Variants in CTC1 observed in about 807,000 individuals in gnomAD.
CTC1 encodes the protein CST telomere replication complex component 1.
A neutral mutation model predicts 136.3 loss-of-function variants in CTC1; 91 were observed. The ratio of observed to expected loss-of-function variants is 0.67; its 90% CI spans 0.56 to 0.79. The LOEUF is 0.79. CTC1 is among the 30% of genes least tolerant of loss of function. CTC1 has a pLI of 0.00. For synonymous variants in CTC1, 606 were observed against 613.8 expected (o/e 0.99, Z 0.19); for missense variants, 1,432 against 1,498.1 (o/e 0.96, Z 0.73).
At chr17:8,236,839 A>G (rs1885405060) in intron 5 of CTC1, among the ~76,000 whole-genome samples, 1 of 152,206 alleles carries the variant, frequency 6.6e-6, no homozygotes, top group South Asian at 2.1e-4. Context: ...TGGTTAGAAT[A>G]AAGATCAATG....
At chr17:8,242,894 T>C in intron 2 of CTC1, 91 bp downstream of exon 2, 1 of 1,213,888 alleles carries the variant, frequency 8.2e-7, no homozygotes, top group East Asian at 2.6e-5. Flanking sequence ...ACTCTCTCAC[T>C]TGCCCTTTTT....
At chr17:8,237,087 G>C (rs1370313757) in intron 5 of CTC1, among the ~76,000 whole-genome samples, 2 of 148,312 alleles carry the variant, frequency 1.3e-5, no homozygotes, top group Non-Finnish European at 3.0e-5. Context: ...ATGGTGTTAA[G>C]ATGAATGATT....
In CTC1 at chr17:8,228,740, C is replaced by A. The variant is rs1986945070; in HGVS notation, c.3374G>T (p.Gly1125Val). 3 of 1,614,080 alleles carry A rather than the reference C, an allele frequency of 1.9e-6. No homozygotes were observed. The highest frequency in any genetic ancestry group is 2.5e-6 in the Non-Finnish European group (3 of 1,179,972). Residue 1125 changes from glycine to valine, a missense_variant, in exon 21 of 23, where the codon GGA becomes GTA. Transcript: ENST00000651323. ...GCCACATTACACCTCAAGTTGGGCT[C>A]CAGGCCCTGCAAACTGCAAGACCAC... The part of the protein sequence containing the change: ...GRVVLQFAGP[G>V]AQLESSARVD...
chr17:8,233,622 A>G (rs1987433893), intron 10 of CTC1, among the ~76,000 whole-genome samples: 1 of 152,156 alleles, frequency 6.6e-6, no homozygotes, highest in South Asian at 2.1e-4. Context: ...CACAAAAATT[A>G]GCTGGATGTG....
rs1372010764 is a variant in CTC1 at position 8,232,965 on chromosome 17, G to T, written c.1886C>A (p.Ser629Tyr). 2 of 1,614,054 alleles carry T rather than the reference G, an allele frequency of 1.2e-6. No individual in the cohort carries two copies. The highest frequency in any genetic ancestry group is 1.7e-6 in the Non-Finnish European group (2 of 1,180,038). ...GCLQLRDQSG[S>Y]LPCLLLAKHS... The stretch of plus-strand genomic sequence containing the variant: ...CTTGGCCAGGAGCAGGCAGGGCAGG[G>T]AACCACTTTGGTCCCGAAGTTGCAG... Residue 629 changes from serine to tyrosine, a missense_variant, in exon 11 of 23, where the codon TCC (serine) becomes TAC (tyrosine). Transcript: ENST00000651323.
chr17:8,236,998 T>C (rs1987781802), intron 5 of CTC1, among the ~76,000 whole-genome samples: 1 of 151,414 alleles, frequency 6.6e-6, no homozygotes, highest in Non-Finnish European at 1.5e-5. Flanking sequence ...AAAATAAAAT[T>C]GTACCAGTTG....
At chr17:8,246,625 G>A (rs535948682) in intron 1 of CTC1, among the ~76,000 whole-genome samples, 10 of 152,168 alleles carry the variant, frequency 6.6e-5, no homozygotes, top group Non-Finnish European at 5.9e-5. Flanking sequence ...AGTGGCTCAC[G>A]CCTGTAATCC....
chr17:8,244,557 GC>G (rs1272871111), intron 1 of CTC1, among the ~76,000 whole-genome samples: 1 of 149,090 alleles, frequency 6.7e-6, no homozygotes, highest in Non-Finnish European at 1.5e-5. Flanking sequence ...ACGGAGTCTT[GC>G]TTTGTCGCCC....
chr17:8,238,341 G>A (rs774427958), intron 3 of CTC1, 51 bp downstream of exon 3: 3 of 1,576,008 alleles, frequency 1.9e-6, no homozygotes, highest in Non-Finnish European at 2.6e-6. Flanking sequence ...TTGATCCTTG[G>A]ACACCATTCT....
chr17:8,232,529 T>C, intron 11 of CTC1, 54 bp from the exon 12 acceptor site: 1 of 1,485,682 alleles, frequency 6.7e-7, no homozygotes, highest in East Asian at 2.3e-5. Context: ...TGGGGTGGGT[T>C]GCAAGGCAAA....
chr17:8,232,794 T>C (rs1384274187), intron 11 of CTC1, 112 bp downstream of exon 11: 2 of 1,370,954 alleles, frequency 1.5e-6, no homozygotes, highest in African/African-American at 1.4e-5. Flanking sequence ...TTGATTGACA[T>C]GTGTCACTTC....
chr17:8,228,326 TG>T lies in CTC1; in HGVS notation c.3515-8del, dbSNP rs2151496968. ...CGCTGTAGCCGAGGAGGTTCTGAGG[TG>T]GGAAGAGAGGAAAAACACACGTCTC... On this transcript the variant is annotated splice_region_variant and splice_polypyrimidine_tract_variant and intron_variant, in intron 22 of 22. Transcript: ENST00000651323. 1.9e-6 allele frequency: 3 copies of T among 1,613,204 alleles called. No homozygotes were observed. Among genetic ancestry groups the T allele is most frequent in the Non-Finnish European group, 2.5e-6 (3 of 1,179,378 alleles).
chr17:8,231,379 C>T lies in CTC1; in HGVS notation c.2566G>A (p.Asp856Asn). Residue 856 changes from aspartate (D) to asparagine (N), a missense_variant, in exon 15 of 23, where the codon GAC becomes AAC. Asp to Asn is a conservative substitution (Grantham distance 23). Transcript: ENST00000651323. The part of the protein sequence containing the change: ...AGCASCLTVQ[D>N]NWTLELESSQ... ...CTTTCAAGCTCCAGAGTCCAGTTGT[C>T]CTGGACAGTGAGGCAGGATGCACAG... 6.2e-7 allele frequency: 1 copy of T among 1,613,678 alleles called. No individual in the cohort carries two copies. Among genetic ancestry groups the T allele is most frequent in the Non-Finnish European group, 8.5e-7 (1 of 1,179,650 alleles).
chr17:8,242,964 G>A (rs774551563), intron 2 of CTC1, 21 bp downstream of exon 2: 18 of 1,592,322 alleles, frequency 1.1e-5, no homozygotes, highest in African/African-American at 4.0e-5. Flanking sequence ...CCCAGCCCCC[G>A]CAACCGCCAC....
chr17:8,231,208 C>A, intron 15 of CTC1, 68 bp downstream of exon 15: 3 of 1,324,186 alleles, frequency 2.3e-6, no homozygotes, highest in Non-Finnish European at 2.0e-6. Flanking sequence ...GAAGTCTTCA[C>A]CAAACCCAGC....
In CTC1 at chr17:8,234,438, G is replaced by A. The variant is rs1019495708; in HGVS notation, c.1818+17C>T. On this transcript the variant is annotated intron_variant, in intron 10 of 22. Coordinates refer to ENST00000651323, the MANE Select transcript of CTC1 (RefSeq NM_025099.6). Reference sequence around the variant, plus strand: ...CAAAAAGGGAAATCACCTGAGCCCTGCTAGGGTCCCCCTTACCTGGGCTGG... The same window carrying A: ...CAAAAAGGGAAATCACCTGAGCCCTACTAGGGTCCCCCTTACCTGGGCTGG... 5 of 1,550,680 alleles carry A rather than the reference G, an allele frequency of 3.2e-6. No homozygotes were observed. The highest frequency in any genetic ancestry group is 2.4e-5 in the East Asian group (1 of 40,922).
At chr17:8,242,139 C>T (rs2151542525) in intron 2 of CTC1, among the ~76,000 whole-genome samples, 1 of 152,136 alleles carries the variant, frequency 6.6e-6, no homozygotes, top group Non-Finnish European at 1.5e-5. Context: ...AAGCGATTCT[C>T]CTGCCTCAGC....
chr17:8,228,886 C>G lies in CTC1; in HGVS notation c.3228G>C (p.Leu1076=). The part of the protein sequence containing the change: ...TAISQAIIRL[L]VEDGTAEAVV... The stretch of plus-strand genomic sequence containing the variant: ...CGGCTTCGGCAGTCCCATCCTCCAC[C>G]AGGAGCCTATGGGGAGCAGGAGGAA... Residue 1076 remains leucine, a synonymous_variant, in exon 21 of 23, where the codon CTG becomes CTC. Transcript: ENST00000651323. The G allele has an allele frequency of 1.2e-6, 2 of 1,612,886 alleles. No individual in the cohort carries two copies. The highest frequency in any genetic ancestry group is 1.7e-6 in the Non-Finnish European group (2 of 1,179,508).
intron 4 of CTC1, 40 bp downstream of exon 4, chr17:8,237,991 G>A (rs1392320553): frequency 1.9e-6 from 3 of 1,546,654 alleles, no homozygotes; most frequent in South Asian, 2.2e-5. Flanking sequence ...TCATCCTTCA[G>A]TTTTACAGCG....
Sources: gnomAD v4.1 joint callset for allele counts (sites outside exome capture counted in the v4.1 genomes callset) on GRCh38, gnomAD v4.1.1 for gene constraint, MANE v1.5 for transcripts, NCBI Gene and HGNC (gene_info 2026-07-23, HGNC 2026-07-21) for gene names.